KANK1: variants seen among roughly 807,000 people sequenced by gnomAD.
KANK1 encodes the protein KN motif and ankyrin repeat domain-containing protein 1.
Under a neutral mutation model 106.2 loss-of-function variants are expected in KANK1, and 109 were observed. The ratio of observed to expected loss-of-function variants is 1.03; its 90% CI spans 0.88 to 1.20. The LOEUF (loss-of-function observed/expected upper bound fraction) is 1.20, where lower values mean the gene tolerates loss of function less well. KANK1 is among the 50% of genes most tolerant of loss of function. KANK1 has a pLI of 0.00. For missense variants in KANK1, 2,399 were observed against 1,710.7 expected (o/e 1.40, Z -7.10); for synonymous variants, 873 against 652.2 (o/e 1.34, Z -5.16).
At chr9:610,326 G>C (rs905684823) in intron 1 of KANK1, among the ~76,000 whole-genome samples, 1 of 152,278 alleles carries the variant, frequency 6.6e-6, no homozygotes, top group Admixed American at 6.5e-5. Flanking sequence ...CTTCAGTCCT[G>C]CTCTCCAAAG....
At chr9:642,100 C>CT (rs1467250048) in intron 1 of KANK1, among the ~76,000 whole-genome samples, 2 of 152,174 alleles carry the variant, frequency 1.3e-5, no homozygotes, top group Admixed American at 1.3e-4. Flanking sequence ...AGTCAGAAAG[C>CT]TTGAGCTCAC....
intron 3 of KANK1, among the ~76,000 whole-genome samples, chr9:479,537 C>A (rs61500707): frequency 2.0e-5 from 3 of 152,142 alleles, no homozygotes; most frequent in African/African-American, 7.2e-5. Context: ...ATGTGACTCA[C>A]TGCAGGTGAT....
At chr9:629,220 G>A (rs1835089209) in intron 1 of KANK1, among the ~76,000 whole-genome samples, 2 of 152,050 alleles carry the variant, frequency 1.3e-5, no homozygotes, top group South Asian at 2.1e-4. Flanking sequence ...CGCTGATGGG[G>A]TTGCCTTGTT....
At chr9:687,263 TC>T (rs780621376) in intron 2 of KANK1, among the ~76,000 whole-genome samples, 2 of 152,160 alleles carry the variant, frequency 1.3e-5, no homozygotes, top group African/African-American at 2.4e-5. Flanking sequence ...TTTGCCTTTT[TC>T]TCCCTGCTTT....
In KANK1 at chr9:712,950, CTCCTCCACCAAGACGCGGTCCA is replaced by C; in HGVS notation, c.2186_2207del (p.Ser729LeufsTer19). The C allele has an allele frequency of 6.2e-7, 1 of 1,614,230 alleles. No individual in the cohort carries two copies. The highest frequency in any genetic ancestry group is 8.5e-7 in the Non-Finnish European group (1 of 1,180,046). ...GAGAAGGCCGTGTCAAGGACATCAA[CTCCTCCACCAAGACGCGGTCCA>C]TTGGTGTTGGAACGTTGCTTTCTGG... On this transcript the variant is annotated frameshift_variant, in exon 3 of 12. Coordinates refer to ENST00000382297, the MANE Select transcript of KANK1 (RefSeq NM_015158.5). LOFTEE classifies it high-confidence loss of function.
At chr9:528,136 CG>C (rs201448690) in intron 1 of KANK1, among the ~76,000 whole-genome samples, 2 of 141,856 alleles carry the variant, frequency 1.4e-5, no homozygotes, top group African/African-American at 2.6e-5. Context: ...GACTCCGTCT[CG>C]GGAAAAAAAA....
At position 738,379 on chromosome 9, in the gene KANK1, T is replaced by C. The variant is rs1834369113; in HGVS notation, c.3428T>C (p.Phe1143Ser). ...PAMVGDYIAAFEAISPDVLRY... is the reference protein window; with the variant it reads ...PAMVGDYIAASEAISPDVLRY... ...ATGGTGGGGGACTACATAGCTGCTT[T>C]TGAGGCCATTTCCCCAGATGTCCTC... The change falls in exon 8 of 12, where the codon TTT (phenylalanine) becomes TCT (serine). Residue 1143 changes from phenylalanine to serine, a missense_variant. Transcript: ENST00000382297. 2.5e-6 allele frequency: 4 copies of C among 1,614,074 alleles called. No individual in the cohort carries two copies. Among genetic ancestry groups the C allele is most frequent in the Admixed American group, 1.7e-5 (1 of 60,010 alleles).
chr9:736,705 A>C (rs1275826494), intron 7 of KANK1, among the ~76,000 whole-genome samples: 1 of 152,166 alleles, frequency 6.6e-6, no homozygotes, highest in African/African-American at 2.4e-5. Context: ...CTCAAAAAAA[A>C]AAAAAATTCC....
chr9:678,398 G>A (rs1816826572), intron 2 of KANK1, among the ~76,000 whole-genome samples: 1 of 152,092 alleles, frequency 6.6e-6, no homozygotes, highest in African/African-American at 2.4e-5. Flanking sequence ...CCTATGTAAT[G>A]TCACAGAGAA....
At chr9:534,850 T>TA (rs1475364694) in intron 1 of KANK1, among the ~76,000 whole-genome samples, 5 of 152,244 alleles carry the variant, frequency 3.3e-5, no homozygotes, top group Non-Finnish European at 5.9e-5. Flanking sequence ...TAAGTTTATG[T>TA]AAAATTTTGC....
intron 1 of KANK1, among the ~76,000 whole-genome samples, chr9:618,239 C>T (rs72689690): frequency 0.08 from 12,177 of 152,200 alleles, 705 homozygotes; most frequent in African/African-American, 0.17. Flanking sequence ...GACAGAGTCT[C>T]GCCCTGTCAC....
At chr9:484,744 C>T (rs1352302965) in intron 3 of KANK1, among the ~76,000 whole-genome samples, 12 of 152,148 alleles carry the variant, frequency 7.9e-5, no homozygotes, top group Non-Finnish European at 1.5e-4. Flanking sequence ...AGAGGGAACA[C>T]GGTACACCTC....
intron 1 of KANK1, among the ~76,000 whole-genome samples, chr9:606,248 A>G: frequency 6.6e-6 from 1 of 151,110 alleles, no homozygotes; most frequent in South Asian, 2.1e-4. Context: ...AAATTTTAAA[A>G]ATATATATTT....
Position 625,483 on chromosome 9 carries a change from TTTCTC to T in KANK1, c.-83-51404_-83-51400del, listed in dbSNP as rs550864884. 2.0e-4 allele frequency among the ~76,000 whole-genome samples: 31 copies of T among 152,320 alleles called. No individual in the cohort carries two copies. In the South Asian group the frequency reaches 2.3e-3, roughly 11 times the overall value. On this transcript the variant is annotated intron_variant, in intron 1 of 11. Transcript: ENST00000382297. ...AGATTGCCTATATTTTTGTTTTTCT[TTTCTC>T]TTAATCTACAGGAAACTTCTGGGTT...
At chr9:557,813 T>G (rs1430538170) in intron 1 of KANK1, among the ~76,000 whole-genome samples, 1 of 152,152 alleles carries the variant, frequency 6.6e-6, no homozygotes. Context: ...GAGGACTGTG[T>G]GAGCCCAGAA....
Position 731,236 on chromosome 9 carries a change from A to G in KANK1, c.2975A>G (p.Lys992Arg), listed in dbSNP as rs1459271633. 7.5e-6 allele frequency: 12 copies of G among 1,608,862 alleles called. No homozygotes were observed. The highest frequency in any genetic ancestry group is 1.0e-5 in the Non-Finnish European group (12 of 1,175,528). The change falls in exon 5 of 12, where the codon AAG becomes AGG. Residue 992 changes from lysine (K) to arginine (R), a missense_variant. Transcript: ENST00000382297. ...AACAAAGATTCAAATGGCGCAAAAA[A>G]GAATCTTCAGTTTGTTGGCATTAAT... Reference protein sequence around the residue: ...DGNKDSNGAKKNLQFVGINGG... With the variant: ...DGNKDSNGAKRNLQFVGINGG...
chr9:491,605 C>T (rs2058378986), intron 3 of KANK1, among the ~76,000 whole-genome samples: 1 of 152,048 alleles, frequency 6.6e-6, no homozygotes, highest in Non-Finnish European at 1.5e-5. Context: ...TAGTGGGCCT[C>T]TCTGGGGAGG....
At chr9:656,647 C>T (rs979187462) in intron 1 of KANK1, among the ~76,000 whole-genome samples, 3 of 152,132 alleles carry the variant, frequency 2.0e-5, no homozygotes, top group East Asian at 1.9e-4. Context: ...GAATATTTGC[C>T]TGTCTAGCGT....
intron 7 of KANK1, among the ~76,000 whole-genome samples, chr9:735,486 T>G (rs546792202): frequency 2.0e-5 from 3 of 152,160 alleles, no homozygotes; most frequent in African/African-American, 7.2e-5. Flanking sequence ...TTCTCATGTG[T>G]CGAAGTTATG....
Sources: allele counts gnomAD v4.1 joint callset (sites outside exome capture counted in the v4.1 genomes callset), GRCh38; gene constraint gnomAD v4.1.1; transcripts MANE v1.5; gene names NCBI Gene and HGNC (gene_info 2026-07-23, HGNC 2026-07-21).